Variants in ALCAM observed in about 807,000 individuals in gnomAD.
The protein encoded by ALCAM is activated leukocyte cell adhesion molecule.
Under a neutral mutation model 70.9 loss-of-function variants are expected in ALCAM, and 30 were observed. That is an observed-to-expected ratio of 0.42 (90% CI 0.32 to 0.57). The LOEUF (loss-of-function observed/expected upper bound fraction) is 0.57. ALCAM is among the 20% of genes least tolerant of loss of function. The probability of loss-of-function intolerance (pLI) is 0.11; values close to 1 mark genes in which losing one functional copy is unlikely to be tolerated. For missense variants in ALCAM, 591 were observed against 695.1 expected, an observed-to-expected ratio of 0.85 and a Z score of 1.68; for synonymous variants, 249 against 242.5, an observed-to-expected ratio of 1.03 and a Z score of -0.25.
intron 1 of ALCAM, among the ~76,000 whole-genome samples, chr3:105,373,658 A>G (rs988261745): frequency 6.6e-6 from 1 of 152,178 alleles, no homozygotes; most frequent in African/African-American, 2.4e-5. Context: ...AGTTTTTACC[A>G]CATTGTATTA....
chr3:105,440,902 G>A (rs1228897831), intron 1 of ALCAM: 2 of 152,136 alleles, frequency 1.3e-5, no homozygotes, highest in Admixed American at 6.5e-5. Context: ...TTAGGGTCTT[G>A]GTGAATCTGC....
chr3:105,514,385 T>C (rs2152620973), intron 1 of ALCAM, among the ~76,000 whole-genome samples: 1 of 151,996 alleles, frequency 6.6e-6, no homozygotes, highest in South Asian at 2.1e-4. Flanking sequence ...CTAAACTAAT[T>C]GGGAGAAACT....
chr3:105,403,672 G>A (rs1292730818), intron 1 of ALCAM, among the ~76,000 whole-genome samples: 1 of 151,780 alleles, frequency 6.6e-6, no homozygotes, highest in Non-Finnish European at 1.5e-5. Flanking sequence ...CGACAAAAGA[G>A]GTTTCTTCAA....
intron 1 of ALCAM, among the ~76,000 whole-genome samples, chr3:105,444,292 T>C (rs899079589): frequency 2.0e-5 from 3 of 152,100 alleles, no homozygotes; most frequent in African/African-American, 7.2e-5. Flanking sequence ...TGGGGAGGCC[T>C]CAGGAAACTT....
At chr3:105,541,584 C>T (rs1471524886) in intron 7 of ALCAM, 49 bp from the exon 8 acceptor site, 1 of 1,594,824 alleles carries the variant, frequency 6.3e-7, no homozygotes, top group Admixed American at 1.7e-5. Flanking sequence ...CAACTGTTCT[C>T]ATTGTAGCGA....
chr3:105,474,487 G>C (rs896112057), intron 1 of ALCAM, among the ~76,000 whole-genome samples: 3 of 151,574 alleles, frequency 2.0e-5, no homozygotes, highest in Non-Finnish European at 4.4e-5. Context: ...TACTACTTAA[G>C]AGATTTACCG....
chr3:105,523,668 A>T (rs2152624082), intron 2 of ALCAM, among the ~76,000 whole-genome samples: 2 of 152,282 alleles, frequency 1.3e-5, no homozygotes, highest in Middle Eastern at 6.8e-3. Flanking sequence ...TGTATGAAAG[A>T]CTTTTGAGCT....
chr3:105,401,045 C>T (rs1434819563), intron 1 of ALCAM, among the ~76,000 whole-genome samples: 1 of 152,160 alleles, frequency 6.6e-6, no homozygotes, highest in Non-Finnish European at 1.5e-5. Flanking sequence ...AAAGGAAAAG[C>T]AAACAAACTC....
intron 1 of ALCAM, among the ~76,000 whole-genome samples, chr3:105,497,658 C>A (rs1317300226): frequency 6.6e-6 from 1 of 152,100 alleles, no homozygotes; most frequent in Non-Finnish European, 1.5e-5. Context: ...AAGATTATAT[C>A]CCAAGTTTGC....
At chr3:105,425,983 C>T (rs561084883) in intron 1 of ALCAM, among the ~76,000 whole-genome samples, 1 of 151,874 alleles carries the variant, frequency 6.6e-6, no homozygotes, top group Middle Eastern at 3.4e-3. Flanking sequence ...TCATGGGAGA[C>T]CTATCCCTTC....
chr3:105,568,058 A>ATTTTTTT (rs34005304), intron 14 of ALCAM, among the ~76,000 whole-genome samples: 1 of 116,246 alleles, frequency 8.6e-6, no homozygotes, highest in African/African-American at 3.0e-5. Context: ...ATTTTATTTT[A>ATTTTTTT]TTTTATTTTT....
chr3:105,438,267 AT>A (rs1937093986), intron 1 of ALCAM, among the ~76,000 whole-genome samples: 1 of 152,046 alleles, frequency 6.6e-6, no homozygotes, highest in South Asian at 2.1e-4. Context: ...ACTTTATACT[AT>A]ACTTAACATG....
At chr3:105,474,960 T>C (rs1424231662) in intron 1 of ALCAM, among the ~76,000 whole-genome samples, 4 of 151,470 alleles carry the variant, frequency 2.6e-5, no homozygotes, top group Non-Finnish European at 5.9e-5. Flanking sequence ...ACAAAAAAAA[T>C]CATCCTGTAG....
intron 1 of ALCAM, among the ~76,000 whole-genome samples, chr3:105,471,143 C>T (rs1190993215): frequency 1.3e-5 from 2 of 151,246 alleles, no homozygotes; most frequent in Admixed American, 1.3e-4. Context: ...ATTGGTTTAT[C>T]GTCATTTAAT....
At chr3:105,408,091 C>A (rs1936294673) in intron 1 of ALCAM, among the ~76,000 whole-genome samples, 1 of 152,184 alleles carries the variant, frequency 6.6e-6, no homozygotes, top group East Asian at 1.9e-4. Context: ...ACACCCCATG[C>A]TCATGGTTGG....
intron 1 of ALCAM, among the ~76,000 whole-genome samples, chr3:105,398,396 AG>A (rs1214558148): frequency 6.6e-6 from 1 of 152,132 alleles, no homozygotes; most frequent in African/African-American, 2.4e-5. Context: ...GAAATTTACG[AG>A]GTCAAGTAAA....
At chr3:105,463,682 C>T (rs577270055) in intron 1 of ALCAM, among the ~76,000 whole-genome samples, 6 of 151,370 alleles carry the variant, frequency 4.0e-5, no homozygotes, top group African/African-American at 1.2e-4. Flanking sequence ...GATCTTTTGT[C>T]GACTTTTGGA....
At chr3:105,518,371 G>A (rs1261298674) in intron 1 of ALCAM, among the ~76,000 whole-genome samples, 1 of 152,052 alleles carries the variant, frequency 6.6e-6, no homozygotes, top group Non-Finnish European at 1.5e-5. Context: ...TTACAAAATG[G>A]TTTCCTTGGC....
At chr3:105,473,831 G>A (rs1938016212) in intron 1 of ALCAM, among the ~76,000 whole-genome samples, 2 of 151,302 alleles carry the variant, frequency 1.3e-5, no homozygotes, top group African/African-American at 4.8e-5. Flanking sequence ...GGTCAATTAA[G>A]CCACTAGACA....
Sources: allele counts gnomAD v4.1 joint callset (sites outside exome capture counted in the v4.1 genomes callset), GRCh38; gene constraint gnomAD v4.1.1; transcripts MANE v1.5; gene names NCBI Gene and HGNC (gene_info 2026-07-23, HGNC 2026-07-21).